HNF4A: variants seen among roughly 807,000 people sequenced by gnomAD.
The protein encoded by HNF4A is hepatocyte nuclear factor 4-alpha.
In HNF4A, 15 loss-of-function variants were observed where a neutral mutation model predicts 52.4. The observed-to-expected ratio is 0.29, with a 90% CI of 0.19 to 0.44. HNF4A has a LOEUF of 0.44. Among genes scored for constraint, HNF4A ranks in the 20% least tolerant of loss-of-function variants. The probability of loss-of-function intolerance (pLI) is 1.00; values close to 1 mark genes in which losing one functional copy is unlikely to be tolerated. For missense variants in HNF4A, 479 were observed against 647.2 expected (o/e 0.74, Z 2.82); for synonymous variants, 280 against 264.4 (o/e 1.06, Z -0.57).
intron 1 of HNF4A, among the ~76,000 whole-genome samples, chr20:44,385,971 T>C (rs1292189713): frequency 6.6e-6 from 1 of 151,902 alleles, no homozygotes; most frequent in African/African-American, 2.4e-5. Context: ...GCGATTCTCC[T>C]GCTTCAGCCT....
chr20:44,429,499 C>G, intron 9 of HNF4A, 24 bp from the exon 10 acceptor site: 1 of 1,614,104 alleles, frequency 6.2e-7, no homozygotes, highest in Non-Finnish European at 8.5e-7. Flanking sequence ...TGAGCAGCCC[C>G]TGTCTGTCTG....
At chr20:44,428,577 C>A (rs979284940) in intron 9 of HNF4A, 90 bp downstream of exon 9, 38 of 1,252,244 alleles carry the variant, frequency 3.0e-5, no homozygotes, top group Non-Finnish European at 4.3e-5. Flanking sequence ...AAGGTAGAAC[C>A]AGGATGCAAC....
chr20:44,399,208 C>T (rs957307584), upstream of HNF4A, among the ~76,000 whole-genome samples: 4 of 146,800 alleles, frequency 2.7e-5, no homozygotes, highest in Middle Eastern at 6.9e-3. Context: ...CTTATCAAGT[C>T]TCATAGTGTG....
intron 1 of HNF4A, among the ~76,000 whole-genome samples, chr20:44,375,270 G>A (rs1050497299): frequency 6.6e-6 from 1 of 151,780 alleles, no homozygotes; most frequent in East Asian, 1.9e-4. Flanking sequence ...TTCCTTGTAG[G>A]TTCTAGCTCC....
chr20:44,418,427 G>A lies in HNF4A; in HGVS notation c.651G>A (p.Val217=), dbSNP rs1000406853. Reference sequence around the variant, plus strand: ...ACACTGTTCCTTCTCTCTTTCAGGTGGCCCTGCTCAGAGCCCATGCTGGCG... The same window carrying A: ...ACACTGTTCCTTCTCTCTTTCAGGTAGCCCTGCTCAGAGCCCATGCTGGCG... Residue 217 remains valine (V), a splice_region_variant and synonymous_variant, in exon 6 of 10, where the codon GTG becomes GTA. Transcript: ENST00000316099. 2 of 1,613,660 alleles carry A rather than the reference G, an allele frequency of 1.2e-6. No individual in the cohort carries two copies. Among genetic ancestry groups the A allele is most frequent in the Non-Finnish European group, 1.7e-6 (2 of 1,179,614 alleles).
In HNF4A at chr20:44,423,961, C is replaced by A. The variant is rs978742287; in HGVS notation, c.893-57C>A. 15 of 1,568,054 alleles carry A rather than the reference C, an allele frequency of 9.6e-6. No individual in the cohort carries two copies. The African/African-American group carries it at 1.8e-4, about 18-fold the overall frequency. ...TCAGGGGACATCTGGGTCTTGACTCCCCAGATGCTCCAGCTGGACCCTGCT... is the reference window on the plus strand; with the variant it reads ...TCAGGGGACATCTGGGTCTTGACTCACCAGATGCTCCAGCTGGACCCTGCT... On this transcript the variant is annotated intron_variant, in intron 7 of 9. Coordinates refer to ENST00000316099, the MANE Select transcript of HNF4A (RefSeq NM_000457.6).
Position 44,407,494 on chromosome 20 carries a change from C to T in HNF4A, c.385+19C>T, listed in dbSNP as rs112386711. The T allele has an allele frequency of 2.1e-3, 3,206 of 1,527,022 alleles. 65 individuals are homozygous for T. In the African/African-American group the frequency reaches 0.039, roughly 19 times the overall value. 94.6% of individuals were successfully genotyped at this position (1,527,022 alleles called of 1,614,324 possible). A position where few individuals can be genotyped will look rare whatever the true frequency, so the allele number is the denominator to read the frequency against. On this transcript the variant is annotated intron_variant, in intron 3 of 9. Transcript: ENST00000316099. ...AAGGAAGGTGAGCCTCGGCCCTCCCCGCCCCACCACCACTGCCCCACCTGC... is the reference window on the plus strand; with the variant it reads ...AAGGAAGGTGAGCCTCGGCCCTCCCTGCCCCACCACCACTGCCCCACCTGC...
At chr20:44,386,377 G>A (rs1212470583) in intron 1 of HNF4A, among the ~76,000 whole-genome samples, 1 of 151,826 alleles carries the variant, frequency 6.6e-6, no homozygotes. Context: ...ATGTTTGGCA[G>A]GCTGGTCTCG....
At chr20:44,382,140 C>T (rs568645053) in intron 1 of HNF4A, among the ~76,000 whole-genome samples, 1 of 152,340 alleles carries the variant, frequency 6.6e-6, no homozygotes, top group South Asian at 2.1e-4. Context: ...GCCCTGACCA[C>T]TCTGCTACAC....
chr20:44,408,270 TA>T (rs1325450674), intron 3 of HNF4A: 6 of 155,428 alleles, frequency 3.9e-5, no homozygotes, highest in African/African-American at 1.4e-4. Flanking sequence ...GCAACTTGCC[TA>T]GGGCCCCACA....
At chr20:44,414,435 C>A (rs1317605872) in intron 4 of HNF4A, 72 bp from the exon 5 acceptor site, 3 of 1,606,352 alleles carry the variant, frequency 1.9e-6, no homozygotes, top group Non-Finnish European at 1.7e-6. Flanking sequence ...AGGGAGGGGG[C>A]TCTGTGCAGG....
At chr20:44,397,690 G>A (rs997061728), upstream of HNF4A, among the ~76,000 whole-genome samples, 3 of 151,834 alleles carry the variant, frequency 2.0e-5, no homozygotes, top group Admixed American at 6.6e-5. Flanking sequence ...AACAATCTCG[G>A]CTCACTGCAG....
intron 4 of HNF4A, 66 bp downstream of exon 4, chr20:44,413,866 C>T (rs967042516): frequency 3.9e-6 from 4 of 1,037,534 alleles, no homozygotes; most frequent in African/African-American, 1.6e-5. Context: ...ACCTCCTCCA[C>T]CTCCATTCTC....
intron 1 of HNF4A, among the ~76,000 whole-genome samples, chr20:44,388,156 G>A (rs2063254941): frequency 6.6e-6 from 1 of 151,424 alleles, no homozygotes; most frequent in South Asian, 2.1e-4. Context: ...TGGCGCCATC[G>A]TGGCTCACTG....
rs2063885283 is a variant in HNF4A at position 44,432,180 on chromosome 20, G to A, written c.*2515G>A. 6.6e-6 allele frequency: 1 copy of A among 152,080 alleles called. No individual in the cohort carries two copies. The highest frequency in any genetic ancestry group is 1.5e-5 in the Non-Finnish European group (1 of 68,032). The allele number at this position is 152,080 out of a possible 1,614,324, so 9.4% of individuals were successfully genotyped here. On this transcript the variant is annotated 3_prime_UTR_variant, in exon 10 of 10. Transcript: ENST00000316099. ...CGTGGGCAACAGTGGCCCTTCATGG[G>A]AACAATCTGTTGGAGCAGGGGGTCA...
chr20:44,371,771 G>A (rs536693491), intron 1 of HNF4A, among the ~76,000 whole-genome samples: 42 of 152,202 alleles, frequency 2.8e-4, no homozygotes, highest in African/African-American at 9.1e-4. Context: ...ATTGCCGTGA[G>A]CCAAGATCGC....
chr20:44,370,152 C>CA (rs2063018213), intron 1 of HNF4A, among the ~76,000 whole-genome samples: 1 of 152,184 alleles, frequency 6.6e-6, no homozygotes, highest in Admixed American at 6.5e-5. Flanking sequence ...TCAGCCCCCC[C>CA]AAGTAGCTGG....
chr20:44,429,792 A>G lies in HNF4A; in HGVS notation c.*127A>G. ...CAGTCCCAGAGCAGGAATGGGAAGG[A>G]TGAAGGGCCCGAGAACATGGCCTAA... On this transcript the variant is annotated 3_prime_UTR_variant, in exon 10 of 10. Transcript: ENST00000316099. 1.0e-6 allele frequency: 1 copy of G among 994,134 alleles called. No individual in the cohort carries two copies. The highest frequency in any genetic ancestry group is 1.5e-6 in the Non-Finnish European group (1 of 651,562). The allele number at this position is 994,134 out of a possible 1,614,324, so 61.6% of individuals were successfully genotyped here.
chr20:44,414,034 G>C (rs1416035970), intron 4 of HNF4A, among the ~76,000 whole-genome samples: 1 of 152,210 alleles, frequency 6.6e-6, no homozygotes, highest in African/African-American at 2.4e-5. Flanking sequence ...CATCCCACAG[G>C]CCAAGCAGAG....
Sources: gnomAD v4.1 joint callset for allele counts (sites outside exome capture counted in the v4.1 genomes callset) on GRCh38, gnomAD v4.1.1 for gene constraint, MANE v1.5 for transcripts, NCBI Gene and HGNC (gene_info 2026-07-23, HGNC 2026-07-21) for gene names.